MYO1D: variants seen among roughly 807,000 people sequenced by gnomAD.
The protein encoded by MYO1D is myosin ID.
Under a neutral mutation model 122.0 loss-of-function variants are expected in MYO1D, and 83 were observed. The observed-to-expected ratio is 0.68, with a 90% CI of 0.57 to 0.82. The LOEUF is 0.82. Among genes scored for constraint, MYO1D ranks in the 40% least tolerant of loss-of-function variants. MYO1D has a pLI of 0.00. For synonymous variants in MYO1D, 464 were observed against 446.9 expected (o/e 1.04, Z -0.48); for missense variants, 1,157 against 1,269.5 (o/e 0.91, Z 1.35).
At chr17:32,541,414 T>C (rs890482392) in intron 21 of MYO1D, among the ~76,000 whole-genome samples, 5 of 152,276 alleles carry the variant, frequency 3.3e-5, no homozygotes, top group Non-Finnish European at 1.5e-5. Context: ...AGATTAGTGA[T>C]TGCCTAGAGT....
At chr17:32,537,138 A>C (rs897350948) in intron 21 of MYO1D, among the ~76,000 whole-genome samples, 2 of 152,210 alleles carry the variant, frequency 1.3e-5, no homozygotes, top group Admixed American at 6.5e-5. Flanking sequence ...TAGATTTTCA[A>C]GTGTTTTTTC....
At chr17:32,568,721 T>C (rs1046532347) in intron 21 of MYO1D, among the ~76,000 whole-genome samples, 4 of 152,184 alleles carry the variant, frequency 2.6e-5, no homozygotes, top group African/African-American at 4.8e-5. Flanking sequence ...TTCTGACTCT[T>C]CCCCACCCAG....
chr17:32,876,059 T>A (rs2091225440), intron 1 of MYO1D, among the ~76,000 whole-genome samples: 1 of 152,028 alleles, frequency 6.6e-6, no homozygotes, highest in South Asian at 2.1e-4. Flanking sequence ...AAGAGCTCCA[T>A]CCACTAACTC....
chr17:32,543,140 G>A (rs1355268634), intron 21 of MYO1D, among the ~76,000 whole-genome samples: 1 of 151,372 alleles, frequency 6.6e-6, no homozygotes, highest in Non-Finnish European at 1.5e-5. Context: ...GCAGGAGAAT[G>A]GCATGAACCT....
chr17:32,789,934 G>A (rs1200170918), intron 1 of MYO1D, among the ~76,000 whole-genome samples: 2 of 152,094 alleles, frequency 1.3e-5, no homozygotes, highest in East Asian at 1.9e-4. Flanking sequence ...AAGCCCCCCT[G>A]GTTTGTGGTA....
At chr17:32,561,441 G>C (rs1256244000) in intron 21 of MYO1D, among the ~76,000 whole-genome samples, 1 of 151,598 alleles carries the variant, frequency 6.6e-6, no homozygotes, top group Non-Finnish European at 1.5e-5. Context: ...TGTAATCCTA[G>C]CACTTTGAGA....
intron 17 of MYO1D, chr17:32,658,871 G>A: frequency 2.0e-6 from 1 of 506,510 alleles, no homozygotes; most frequent in South Asian, 2.6e-5. Context: ...ACTATGGCTT[G>A]TGTCCAGGGG....
intron 1 of MYO1D, among the ~76,000 whole-genome samples, chr17:32,837,687 T>C (rs1030643839): frequency 3.3e-5 from 5 of 152,118 alleles, no homozygotes; most frequent in African/African-American, 1.2e-4. Flanking sequence ...TCAGAAAAAT[T>C]CTATCAGTTG....
At chr17:32,691,707 C>A (rs1159918368) in intron 16 of MYO1D, among the ~76,000 whole-genome samples, 4 of 151,936 alleles carry the variant, frequency 2.6e-5, no homozygotes, top group African/African-American at 4.8e-5. Flanking sequence ...TGCCTGGCCA[C>A]AAAAAAATTT....
chr17:32,799,283 G>T (rs1467731245), intron 1 of MYO1D, among the ~76,000 whole-genome samples: 1 of 152,108 alleles, frequency 6.6e-6, no homozygotes, highest in Non-Finnish European at 1.5e-5. Context: ...CTCGTTTATT[G>T]CTAGATCTAA....
intron 21 of MYO1D, among the ~76,000 whole-genome samples, chr17:32,526,945 C>T (rs975493377): frequency 1.3e-5 from 2 of 152,232 alleles, no homozygotes; most frequent in African/African-American, 2.4e-5. Flanking sequence ...AGGAAGTTTA[C>T]AGTTACATAA....
chr17:32,819,430 G>C (rs1005841206), intron 1 of MYO1D, among the ~76,000 whole-genome samples: 8 of 152,120 alleles, frequency 5.3e-5, no homozygotes, highest in African/African-American at 1.9e-4. Flanking sequence ...CCTCTGCTTT[G>C]GTGGCAGTTT....
At chr17:32,499,498 G>C (rs1026461810) in intron 21 of MYO1D, among the ~76,000 whole-genome samples, 1 of 152,060 alleles carries the variant, frequency 6.6e-6, no homozygotes. Flanking sequence ...GCTGGGTGTG[G>C]TGGTGCATGC....
intron 21 of MYO1D, among the ~76,000 whole-genome samples, chr17:32,501,945 C>G (rs1278223118): frequency 6.6e-6 from 1 of 152,102 alleles, no homozygotes; most frequent in Non-Finnish European, 1.5e-5. Flanking sequence ...GGGGGCTGGT[C>G]TGAGCCCTCA....
chr17:32,743,617 T>A (rs1326588152), intron 13 of MYO1D, among the ~76,000 whole-genome samples: 1 of 149,400 alleles, frequency 6.7e-6, no homozygotes, highest in Non-Finnish European at 1.5e-5. Flanking sequence ...ATTATTGTTA[T>A]TATTATTATT....
At chr17:32,697,675 T>A (rs1454485855) in intron 16 of MYO1D, among the ~76,000 whole-genome samples, 2 of 152,214 alleles carry the variant, frequency 1.3e-5, no homozygotes, top group African/African-American at 4.8e-5. Context: ...TCACTTTTTG[T>A]TACTATACAC....
intron 8 of MYO1D, among the ~76,000 whole-genome samples, chr17:32,762,983 G>A (rs1217134777): frequency 6.6e-6 from 1 of 151,794 alleles, no homozygotes; most frequent in Non-Finnish European, 1.5e-5. Context: ...TCAGGAGATG[G>A]AGACCATCCT....
At chr17:32,781,447 C>T (rs2090237348) in intron 1 of MYO1D, among the ~76,000 whole-genome samples, 1 of 152,070 alleles carries the variant, frequency 6.6e-6, no homozygotes, top group African/African-American at 2.4e-5. Context: ...GCTTTTACTT[C>T]TGTGGTATAG....
chr17:32,755,474 T>G lies in MYO1D; in HGVS notation c.1467+18A>C. The G allele has an allele frequency of 6.2e-7, 1 of 1,608,078 alleles. No individual in the cohort carries two copies. Among genetic ancestry groups the G allele is most frequent in the Middle Eastern group, 1.7e-4 (1 of 6,028 alleles). On this transcript the variant is annotated intron_variant, in intron 11 of 21. Transcript: ENST00000318217. ...AACCTCACAGATAAAAGGAAGAAGG[T>G]GTCATTAAACACATTACCTTTCGGC...
Sources: allele counts gnomAD v4.1 joint callset (sites outside exome capture counted in the v4.1 genomes callset), GRCh38; gene constraint gnomAD v4.1.1; transcripts MANE v1.5; gene names NCBI Gene and HGNC (gene_info 2026-07-23, HGNC 2026-07-21).